Variants in MYCBP2 observed in about 807,000 individuals in gnomAD.
MYCBP2 encodes the protein MYC binding protein 2, also known as E3 ubiquitin-protein ligase MYCBP2.
A neutral mutation model predicts 525.3 loss-of-function variants in MYCBP2; 120 were observed. That is an observed-to-expected ratio of 0.23 (90% confidence interval 0.20 to 0.27). The LOEUF (loss-of-function observed/expected upper bound fraction) is 0.27. MYCBP2 is among the 10% of genes least tolerant of loss of function. The pLI is 1.00. For synonymous variants in MYCBP2, 1,894 were observed against 1,955.8 expected (o/e 0.97, Z 0.83); for missense variants, 4,149 against 5,657.1 (o/e 0.73, Z 8.55).
intron 41 of MYCBP2, 75 bp from the exon 42 acceptor site, chr13:77,165,466 A>ACTTT (rs2058422627): frequency 9.4e-7 from 1 of 1,065,510 alleles, no homozygotes; most frequent in African/African-American, 1.6e-5. Context: ...TATCCAATGG[A>ACTTT]CTTTCTCTTT....
At chr13:77,172,370 TG>T (rs935316229) in intron 37 of MYCBP2, among the ~76,000 whole-genome samples, 8 of 152,048 alleles carry the variant, frequency 5.3e-5, no homozygotes, top group Admixed American at 2.0e-4. Context: ...AGTCAAATTG[TG>T]TAAGGTTTGT....
chr13:77,187,245 G>T (rs887197074), intron 30 of MYCBP2, among the ~76,000 whole-genome samples: 4 of 152,134 alleles, frequency 2.6e-5, no homozygotes, highest in African/African-American at 9.7e-5. Flanking sequence ...ACTAAAGAAA[G>T]CATAACAGAG....
intron 5 of MYCBP2, chr13:77,272,513 A>T (rs1042122314): frequency 6.6e-6 from 1 of 152,216 alleles, no homozygotes; most frequent in Non-Finnish European, 1.5e-5. Flanking sequence ...TACAATTTTT[A>T]AAATATTTGC....
At position 77,320,175 on chromosome 13, in the gene MYCBP2, G is replaced by A. The variant is rs1003556664; in HGVS notation, c.302+6299C>T. Among the ~76,000 whole-genome samples, 8 of 152,320 alleles carry A rather than the reference G, an allele frequency of 5.3e-5. No homozygotes were observed. The South Asian group carries it at 1.4e-3, about 28-fold the overall frequency. ...TTAGATGTAAACTGCCCCTGAAGAG[G>A]AGGCATGACTCTGGGGGAGGCAACT... On this transcript the variant is annotated intron_variant, in intron 1 of 82. Coordinates refer to ENST00000544440, the MANE Select transcript of MYCBP2 (RefSeq NM_015057.5).
At chr13:77,056,343 T>C (rs1204821969) in intron 79 of MYCBP2, among the ~76,000 whole-genome samples, 7 of 152,214 alleles carry the variant, frequency 4.6e-5, no homozygotes, top group Non-Finnish European at 1.5e-5. Flanking sequence ...TCTTTCCACA[T>C]TCTACCCTTT....
At chr13:77,171,427 T>C (rs1595105897) in intron 38 of MYCBP2, 65 bp downstream of exon 38, 1 of 1,505,442 alleles carries the variant, frequency 6.6e-7, no homozygotes. Flanking sequence ...TCTTCAATAA[T>C]TCTATGCAAA....
At position 77,067,676 on chromosome 13, in the gene MYCBP2, C is replaced by T. The variant is rs202043205; in HGVS notation, c.12360G>A (p.Gln4120=). The T allele has an allele frequency of 5.3e-5, 86 of 1,614,020 alleles. No homozygotes were observed. The highest frequency in any genetic ancestry group is 6.9e-5 in the Non-Finnish European group (82 of 1,180,032). Residue 4120 remains glutamine, a synonymous_variant, in exon 71 of 83, where the codon CAG becomes CAA. Transcript: ENST00000544440. ...TGATGGTGGTTCCTTTGGCTTTTAG[C>T]TGTACAGTGAGTGCTTTGGCAATGC... ...LGCIAKALTV[Q]LKAKGTTITG...
chr13:77,274,872 C>G (rs1404973637), intron 4 of MYCBP2, among the ~76,000 whole-genome samples: 1 of 151,492 alleles, frequency 6.6e-6, no homozygotes, highest in Non-Finnish European at 1.5e-5. Context: ...CTTTTCTTTC[C>G]CCCTTCCTCT....
At chr13:77,151,821 TATAAG>T (rs1296069818) in intron 46 of MYCBP2, among the ~76,000 whole-genome samples, 1 of 152,230 alleles carries the variant, frequency 6.6e-6, no homozygotes, top group Non-Finnish European at 1.5e-5. Flanking sequence ...TCCCAGAAAT[TATAAG>T]AAAACATTGT....
intron 13 of MYCBP2, 66 bp from the exon 14 acceptor site, chr13:77,257,895 A>G: frequency 7.6e-7 from 1 of 1,321,618 alleles, no homozygotes; most frequent in East Asian, 2.5e-5. Context: ...TAAAAGAACT[A>G]CCTCAATGCA....
At chr13:77,273,970 A>G (rs2075211815) in intron 4 of MYCBP2, among the ~76,000 whole-genome samples, 1 of 152,210 alleles carries the variant, frequency 6.6e-6, no homozygotes, top group South Asian at 2.1e-4. Context: ...CCTATCAAGT[A>G]ATAGACTACT....
intron 59 of MYCBP2, among the ~76,000 whole-genome samples, chr13:77,091,959 T>C (rs1016435933): frequency 6.6e-6 from 1 of 152,026 alleles, no homozygotes; most frequent in African/African-American, 2.4e-5. Context: ...AAATACTTTA[T>C]CACTTTTAAA....
In MYCBP2 at chr13:77,162,787, G is replaced by C. The variant is rs529212987; in HGVS notation, c.6548-832C>G. The stretch of plus-strand genomic sequence containing the variant: ...TTCTCCTGCCCCAGCCTCCCGAGTA[G>C]CTGGGACTACAGGCATGTGCCACCA... On this transcript the variant is annotated intron_variant, in intron 43 of 82. Coordinates refer to ENST00000544440, the MANE Select transcript of MYCBP2 (RefSeq NM_015057.5). Among the ~76,000 whole-genome samples the C allele has an allele frequency of 2.6e-5, 4 of 152,262 alleles. No homozygotes were observed. The South Asian group carries it at 6.2e-4, about 24-fold the overall frequency.
In MYCBP2 at chr13:77,326,494, G is replaced by A; in HGVS notation, c.282C>T (p.Ser94=). 1 of 1,583,038 alleles carries A rather than the reference G, an allele frequency of 6.3e-7. No homozygotes were observed. The highest frequency in any genetic ancestry group is 8.6e-7 in the Non-Finnish European group (1 of 1,165,592). Residue 94 remains serine, a synonymous_variant, in exon 1 of 83, where the codon AGC becomes AGT. Coordinates refer to ENST00000544440, the MANE Select transcript of MYCBP2 (RefSeq NM_015057.5). The surrounding 1 kb of genome is among the most constrained non-coding windows in gnomAD (Gnocchi z 4.2). The part of the protein sequence containing the change: ...ALNDRDQGGG[S]AGHPASRNKK... ...CGCACCTGGAGGCTGGGTGTCCAGC[G>A]CTGCCGCCCCCCTGGTCCCTGTCAT...
chr13:77,207,310 C>T (rs2063465236), intron 23 of MYCBP2, among the ~76,000 whole-genome samples: 1 of 152,154 alleles, frequency 6.6e-6, no homozygotes, highest in Admixed American at 6.6e-5. Flanking sequence ...TGTGGATGTT[C>T]AACCATATGA....
intron 68 of MYCBP2, among the ~76,000 whole-genome samples, chr13:77,072,408 T>G (rs1396717999): frequency 6.6e-6 from 1 of 151,330 alleles, no homozygotes; most frequent in Admixed American, 6.6e-5. Flanking sequence ...ATGCAGCTAA[T>G]GTAGTGCTTA....
At chr13:77,087,890 C>T (rs541809991) in intron 61 of MYCBP2, 5 of 267,358 alleles carry the variant, frequency 1.9e-5, no homozygotes, top group African/African-American at 4.4e-5. Flanking sequence ...AAATGATCCT[C>T]CCACCTCAGC....
In MYCBP2 at chr13:77,068,720, C is replaced by T; in HGVS notation, c.12016G>A (p.Asp4006Asn). The T allele has an allele frequency of 6.2e-7, 1 of 1,614,172 alleles. No homozygotes were observed. The highest frequency in any genetic ancestry group is 2.2e-5 in the East Asian group (1 of 44,880). ...ENANSQPNDE[D>N]ASSDAYCFEL... ...AAGCAGTAGGCATCAGAGGAGGCAT[C>T]TTCATCATTTGGCTGAGAATTGGCA... Residue 4006 changes from aspartate (D) to asparagine (N), a missense_variant, in exon 70 of 83, where the codon GAT becomes AAT. Around this residue, in one of 21 missense-constraint regions of MYCBP2, gnomAD observed 64 missense variants for 131.2 expected, o/e 0.49. Transcript: ENST00000544440.
intron 55 of MYCBP2, among the ~76,000 whole-genome samples, chr13:77,118,002 C>T (rs2050073505): frequency 6.6e-6 from 1 of 152,100 alleles, no homozygotes; most frequent in Admixed American, 6.5e-5. Flanking sequence ...AACAAACAAA[C>T]CTGTCCAAAC....
Sources: allele counts gnomAD v4.1 joint callset (sites outside exome capture counted in the v4.1 genomes callset), GRCh38; gene constraint gnomAD v4.1.1; regional missense constraint gnomAD v4.1.1; non-coding constraint Gnocchi (gnomAD v3.1); transcripts MANE v1.5; gene names NCBI Gene and HGNC (gene_info 2026-07-23, HGNC 2026-07-21).